NEBL: variants seen among roughly 807,000 people sequenced by gnomAD.
NEBL encodes LIM and SH3 protein 2.
NEBL carries 122 observed loss-of-function variants against 140.2 expected under a neutral mutation model. The observed-to-expected ratio is 0.87, with a 90% CI of 0.75 to 1.01. NEBL has a LOEUF of 1.01. Ranked by LOEUF, NEBL falls within the 50% of genes least tolerant of loss-of-function variation. NEBL has a pLI of 0.00. For missense variants in NEBL, 1,365 were observed against 1,231.3 expected (o/e 1.11, Z -1.62); for synonymous variants, 436 against 398.9 (o/e 1.09, Z -1.11).
intron 2 of NEBL, among the ~76,000 whole-genome samples, chr10:21,093,478 G>A (rs1170236178): frequency 6.6e-6 from 1 of 151,982 alleles, no homozygotes; most frequent in Non-Finnish European, 1.5e-5. Context: ...CCCTCCATCG[G>A]CACTGAAAAA....
chr10:20,831,306 T>C lies in NEBL; in HGVS notation c.1561A>G (p.Lys521Glu). Residue 521 changes from lysine to glutamate, a missense_variant and splice_region_variant, in exon 16 of 28, where the codon AAA becomes GAA. Physicochemically the swap from Lys to Glu is moderately conservative, Grantham distance 56. This residue lies in a region of NEBL where 1,323 missense variants were observed against 1,154.8 expected (regional missense o/e 1.15). Transcript: ENST00000377122. ...TTTTCTAAGTCCTTCTTGTATTGTT[T>C]CTAAAAGAACAGAAAATAATCTTAG... Reference protein sequence around the residue: ...AKKASEMASQKQYKKDLENEI... With the variant: ...AKKASEMASQEQYKKDLENEI... 1 of 1,600,132 alleles carries C rather than the reference T, an allele frequency of 6.2e-7. No homozygotes were observed. Among genetic ancestry groups the C allele is most frequent in the Non-Finnish European group, 8.6e-7 (1 of 1,168,362 alleles).
intron 3 of NEBL, among the ~76,000 whole-genome samples, chr10:21,187,118 T>C (rs1274455420): frequency 2.0e-5 from 3 of 152,044 alleles, no homozygotes; most frequent in Non-Finnish European, 4.4e-5. Flanking sequence ...TACGTACCTA[T>C]GTATATATAC....
intron 3 of NEBL, among the ~76,000 whole-genome samples, chr10:21,181,140 G>A (rs1235132386): frequency 6.6e-6 from 1 of 151,852 alleles, no homozygotes; most frequent in African/African-American, 2.4e-5. Context: ...GCACACACCT[G>A]TAATCTCAGC....
chr10:20,808,473 G>T, intron 26 of NEBL, 37 bp downstream of exon 26: 1 of 1,607,110 alleles, frequency 6.2e-7, no homozygotes, highest in Non-Finnish European at 8.5e-7. Flanking sequence ...CTTAAAAAAT[G>T]AATCGATTTT....
At chr10:21,067,954 G>C (rs1310555659) in intron 2 of NEBL, among the ~76,000 whole-genome samples, 1 of 151,138 alleles carries the variant, frequency 6.6e-6, no homozygotes, top group Non-Finnish European at 1.5e-5. Flanking sequence ...CTCCAGCCTG[G>C]GTGACAACAA....
chr10:20,783,105 G>A lies in NEBL; in HGVS notation c.*2642C>T, dbSNP rs975983540. On this transcript the variant is annotated 3_prime_UTR_variant, in exon 28 of 28. Coordinates refer to ENST00000377122, the MANE Select transcript of NEBL (RefSeq NM_006393.3). ...TTCTTTAGCTGTCAGCTTCATGCAC[G>A]AGATACCTGTTGCCAAACCAAAGGT... The A allele has an allele frequency of 2.6e-5, 4 of 152,532 alleles. No individual in the cohort carries two copies. Among genetic ancestry groups the A allele is most frequent in the Admixed American group, 1.3e-4 (2 of 15,252 alleles). The allele number at this position is 152,532 out of a possible 1,614,324, so 9.4% of individuals were successfully genotyped here. A position where few individuals can be genotyped will look rare whatever the true frequency, so the allele number is the denominator to read the frequency against.
chr10:21,256,859 A>G (rs1842665305), intron 1 of NEBL, among the ~76,000 whole-genome samples: 1 of 152,150 alleles, frequency 6.6e-6, no homozygotes, highest in Non-Finnish European at 1.5e-5. Context: ...TAAGTACTCA[A>G]ACTTACTCTT....
At chr10:21,156,817 T>C (rs1044066459) in intron 2 of NEBL, among the ~76,000 whole-genome samples, 4 of 152,232 alleles carry the variant, frequency 2.6e-5, no homozygotes, top group Non-Finnish European at 5.9e-5. Flanking sequence ...ATATTAAGAT[T>C]ATAAATCTTC....
intron 18 of NEBL, among the ~76,000 whole-genome samples, chr10:20,824,788 T>G (rs1839675315): frequency 6.6e-6 from 1 of 152,196 alleles, no homozygotes; most frequent in Admixed American, 6.5e-5. Context: ...CTTTTGTTTT[T>G]CAAAGGGACT....
intron 16 of NEBL, 84 bp from the exon 17 acceptor site, chr10:20,828,718 A>T (rs1840120586): frequency 1.1e-6 from 1 of 875,686 alleles, no homozygotes; most frequent in Non-Finnish European, 1.9e-6. Context: ...GGAAAGGAGG[A>T]AGGGAGAGAG....
intron 1 of NEBL, among the ~76,000 whole-genome samples, chr10:21,260,270 A>G (rs28718643): frequency 1.3e-5 from 2 of 151,790 alleles, no homozygotes; most frequent in South Asian, 4.2e-4. Flanking sequence ...AGGTCATCCA[A>G]CCCTATCTGC....
In NEBL at chr10:20,783,513, C is replaced by T. The variant is rs575060497; in HGVS notation, c.*2234G>A. On this transcript the variant is annotated 3_prime_UTR_variant, in exon 28 of 28. Transcript: ENST00000377122. ...TGCTCAGTGAATCTGGTTTTGAAAT[C>T]GGTGGATGAAATTACTTTCCTGATT... is the stretch of plus-strand genomic sequence containing the variant. 1.4e-4 allele frequency: 21 copies of T among 152,234 alleles called. No individual in the cohort carries two copies. The East Asian group carries it at 3.1e-3, about 22-fold the overall frequency. The allele number at this position is 152,234 out of a possible 1,614,324, so 9.4% of individuals were successfully genotyped here.
At chr10:21,025,839 A>G (rs1839004639) in intron 2 of NEBL, among the ~76,000 whole-genome samples, 1 of 152,198 alleles carries the variant, frequency 6.6e-6, no homozygotes, top group Non-Finnish European at 1.5e-5. Context: ...TGCAAAATTC[A>G]CACATGCAAG....
chr10:20,906,146 T>C (rs1389612723), intron 4 of NEBL, among the ~76,000 whole-genome samples: 1 of 152,226 alleles, frequency 6.6e-6, no homozygotes, highest in African/African-American at 2.4e-5. Context: ...ATGTAGACCC[T>C]GAAATAAAAT....
At chr10:21,086,901 G>A (rs1836658447) in intron 2 of NEBL, among the ~76,000 whole-genome samples, 2 of 152,288 alleles carry the variant, frequency 1.3e-5, no homozygotes, top group Admixed American at 6.5e-5. Context: ...CACCCATAGG[G>A]AATGTTCTCT....
intron 2 of NEBL, among the ~76,000 whole-genome samples, chr10:21,090,946 T>C (rs767780741): frequency 4.6e-5 from 7 of 152,164 alleles, no homozygotes; most frequent in Non-Finnish European, 1.0e-4. Context: ...CATTATTCTA[T>C]ACCAAAAATG....
intron 5 of NEBL, among the ~76,000 whole-genome samples, chr10:20,874,339 C>T (rs1357710633): frequency 1.3e-5 from 2 of 152,180 alleles, no homozygotes; most frequent in Non-Finnish European, 2.9e-5. Context: ...CCAGATACCC[C>T]ATCCATTTGG....
chr10:21,257,245 C>T (rs952786645), intron 1 of NEBL, among the ~76,000 whole-genome samples: 2 of 152,152 alleles, frequency 1.3e-5, no homozygotes, highest in East Asian at 3.8e-4. Flanking sequence ...TTCAGTATTT[C>T]TATGAGGCCC....
intron 3 of NEBL, among the ~76,000 whole-genome samples, chr10:20,969,918 T>C (rs932642384): frequency 4.6e-5 from 7 of 152,156 alleles, no homozygotes; most frequent in Admixed American, 3.3e-4. Context: ...AAGTGTAGCT[T>C]AGTGTTTAAA....
Sources: gnomAD v4.1 joint callset for allele counts (sites outside exome capture counted in the v4.1 genomes callset) on GRCh38, gnomAD v4.1.1 for gene constraint, gnomAD v4.1.1 regional missense constraint, MANE v1.5 for transcripts, NCBI Gene and HGNC (gene_info 2026-07-23, HGNC 2026-07-21) for gene names.